The following USP37 variants were observed in gnomAD, a reference collection of about 807,000 sequenced individuals.
USP37 encodes ubiquitin specific peptidase 37.
USP37 carries 27 observed loss-of-function variants against 124.0 expected under a neutral mutation model. The ratio of observed to expected loss-of-function variants is 0.22; its 90% confidence interval spans 0.16 to 0.30. The LOEUF is 0.30. Ranked by LOEUF, USP37 falls within the 10% of genes least tolerant of loss-of-function variation. The pLI is 1.00. For synonymous variants in USP37, 365 were observed against 388.0 expected, an observed-to-expected ratio of 0.94 and a Z score of 0.70; for missense variants, 889 against 1,140.4, an observed-to-expected ratio of 0.78 and a Z score of 3.17.
chr2:218,485,634 G>GT, intron 16 of USP37, 30 bp downstream of exon 16: 1 of 755,112 alleles, frequency 1.3e-6, no homozygotes, highest in Non-Finnish European at 1.8e-6. Flanking sequence ...TTAGTCCATA[G>GT]CAAAAAAAAA....
intron 14 of USP37, among the ~76,000 whole-genome samples, chr2:218,493,915 G>A (rs577587737): frequency 7.9e-5 from 12 of 152,254 alleles, no homozygotes; most frequent in Admixed American, 5.2e-4. Flanking sequence ...TGAATGGTAC[G>A]CCCATAATTC....
At chr2:218,469,814 CTTTTTTTT>C (rs71064451) in intron 20 of USP37, among the ~76,000 whole-genome samples, 9 of 64,654 alleles carry the variant, frequency 1.4e-4, no homozygotes, top group Middle Eastern at 0.01. Flanking sequence ...ACTCAACATT[CTTTTTTTT>C]TTTTTTTTTT....
intron 8 of USP37, among the ~76,000 whole-genome samples, chr2:218,543,260 G>C (rs1692085698): frequency 6.6e-6 from 1 of 151,980 alleles, no homozygotes. Flanking sequence ...CCAGCACCTT[G>C]CGAGGCCGAG....
intron 8 of USP37, among the ~76,000 whole-genome samples, chr2:218,541,810 A>G (rs866711163): frequency 2.6e-5 from 4 of 152,178 alleles, no homozygotes; most frequent in South Asian, 2.1e-4. Flanking sequence ...GGAAGGGGGA[A>G]CTATAGTACC....
chr2:218,526,387 C>T (rs1476888474), intron 10 of USP37, among the ~76,000 whole-genome samples: 2 of 152,018 alleles, frequency 1.3e-5, no homozygotes, highest in African/African-American at 2.4e-5. Context: ...CACCTGCCAC[C>T]ACGCCCAGCT....
intron 16 of USP37, among the ~76,000 whole-genome samples, chr2:218,483,593 G>GAAAAAAAAAA (rs773885068): frequency 8.8e-6 from 1 of 114,028 alleles, no homozygotes; most frequent in Non-Finnish European, 1.9e-5. Context: ...GATCTACCAG[G>GAAAAAAAAAA]AAAAAAAAAA....
chr2:218,461,182 C>A (rs1689999579), intron 22 of USP37, among the ~76,000 whole-genome samples: 1 of 152,088 alleles, frequency 6.6e-6, no homozygotes, highest in South Asian at 2.1e-4. Context: ...CCACTAAAAT[C>A]ACAGTATAGT....
intron 21 of USP37, 38 bp from the exon 22 acceptor site, chr2:218,463,404 G>C: frequency 6.3e-7 from 1 of 1,586,740 alleles, no homozygotes; most frequent in Non-Finnish European, 8.6e-7. Context: ...TATTTAAAGA[G>C]GTACTGATTA....
chr2:218,544,106 G>A (rs1692159993), intron 8 of USP37, among the ~76,000 whole-genome samples: 1 of 151,972 alleles, frequency 6.6e-6, no homozygotes, highest in East Asian at 1.9e-4. Flanking sequence ...CAGGCCAGGT[G>A]CAGTGGCTCA....
chr2:218,515,105 C>T (rs1690200877), intron 10 of USP37, among the ~76,000 whole-genome samples: 1 of 152,134 alleles, frequency 6.6e-6, no homozygotes. Flanking sequence ...TCAAGGAGCT[C>T]TGCTTTCTTG....
At chr2:218,547,127 A>G (rs758103294) in intron 6 of USP37, 36 bp from the exon 7 acceptor site, 31 of 1,555,022 alleles carry the variant, frequency 2.0e-5, no homozygotes, top group Non-Finnish European at 3.5e-6. Context: ...TAAATCTTCA[A>G]ATTAACTGGA....
intron 11 of USP37, among the ~76,000 whole-genome samples, chr2:218,504,509 T>C (rs1689575278): frequency 2.0e-5 from 3 of 152,172 alleles, no homozygotes; most frequent in Admixed American, 6.5e-5. Flanking sequence ...CACTGAAACT[T>C]TAAACTTCTG....
In USP37 at chr2:218,539,664, G is replaced by A. The variant is rs1691866845; in HGVS notation, c.681-4958C>T. Reference sequence around the variant, plus strand: ...CGGGAGGCGGAGGTTGCAGTGAGCTGAGATTGTGTCACTGCACTCCAGCCC... The same window carrying A: ...CGGGAGGCGGAGGTTGCAGTGAGCTAAGATTGTGTCACTGCACTCCAGCCC... On this transcript the variant is annotated intron_variant, in intron 8 of 25. Coordinates refer to ENST00000258399, the MANE Select transcript of USP37 (RefSeq NM_020935.3). 4.0e-5 allele frequency among the ~76,000 whole-genome samples: 6 copies of A among 151,766 alleles called. No individual in the cohort carries two copies. In the South Asian group the frequency reaches 1.0e-3, roughly 26 times the overall value.
chr2:218,544,420 T>TAGAGAG (rs1202551075), intron 8 of USP37, among the ~76,000 whole-genome samples: 7 of 53,326 alleles, frequency 1.3e-4, no homozygotes, highest in East Asian at 1.4e-3. Context: ...TATATATATA[T>TAGAGAG]ATATATATAT....
chr2:218,557,499 T>C (rs938941563), intron 4 of USP37, among the ~76,000 whole-genome samples: 1 of 151,884 alleles, frequency 6.6e-6, no homozygotes, highest in South Asian at 2.1e-4. Context: ...TCATAGGCAA[T>C]CTATTTTTAC....
chr2:218,516,359 C>T (rs1291247083), intron 10 of USP37, among the ~76,000 whole-genome samples: 1 of 152,108 alleles, frequency 6.6e-6, no homozygotes. Flanking sequence ...ACTATGCAGC[C>T]ATAAAGAAGA....
chr2:218,460,091 C>CAAAAAAAAAAAA (rs55945023), intron 22 of USP37, among the ~76,000 whole-genome samples, 186 bp from the exon 23 acceptor site: 7 of 117,958 alleles, frequency 5.9e-5, no homozygotes, highest in African/African-American at 1.3e-4. Context: ...ACTAAAAATA[C>CAAAAAAAAAAAA]AAAAAAAAAA....
chr2:218,504,603 T>C (rs927648882), intron 11 of USP37, among the ~76,000 whole-genome samples: 1 of 152,174 alleles, frequency 6.6e-6, no homozygotes, highest in African/African-American at 2.4e-5. Context: ...TTTTTTATTT[T>C]ATTTTATTAT....
intron 1 of USP37, among the ~76,000 whole-genome samples, chr2:218,564,117 C>T (rs776516034): frequency 6.6e-6 from 1 of 152,102 alleles, no homozygotes; most frequent in Non-Finnish European, 1.5e-5. Context: ...TACTTTTGTC[C>T]TTCTACCATC....
Sources: gnomAD v4.1 joint callset for allele counts (sites outside exome capture counted in the v4.1 genomes callset) on GRCh38, gnomAD v4.1.1 for gene constraint, MANE v1.5 for transcripts, NCBI Gene and HGNC (gene_info 2026-07-23, HGNC 2026-07-21) for gene names.